Variants in STK17B observed in about 807,000 individuals in gnomAD.
STK17B encodes the protein serine/threonine-protein kinase 17B.
STK17B carries 21 observed loss-of-function variants against 42.0 expected under a neutral mutation model. That is an observed-to-expected ratio of 0.50 (90% CI 0.35 to 0.72). The LOEUF is 0.72. STK17B is among the 30% of genes least tolerant of loss of function. The probability of loss-of-function intolerance (pLI) is 0.00; values close to 1 mark genes in which losing one functional copy is unlikely to be tolerated. For synonymous variants in STK17B, 143 were observed against 148.4 expected (o/e 0.96, Z 0.26); for missense variants, 349 against 446.0 (o/e 0.78, Z 1.96).
intron 1 of STK17B, among the ~76,000 whole-genome samples, chr2:196,167,883 G>A (rs1235237246): frequency 6.6e-6 from 1 of 152,162 alleles, no homozygotes; most frequent in Non-Finnish European, 1.5e-5. Context: ...TTTCTACATA[G>A]GCATTTAAGG....
chr2:196,145,977 G>T lies in STK17B; in HGVS notation c.414C>A (p.Leu138=). 6.2e-7 allele frequency: 1 copy of T among 1,607,464 alleles called. No homozygotes were observed. Among genetic ancestry groups the T allele is most frequent in the Admixed American group, 1.7e-5 (1 of 57,932 alleles). The change falls in exon 4 of 8, where the codon CTC becomes CTA. Residue 138 remains leucine, a synonymous_variant. Coordinates refer to ENST00000263955, the MANE Select transcript of STK17B (RefSeq NM_004226.4). ...AAACTCCTTCAAGTATTTGTTTAAT[G>T]AGTCTGATAACATCATTTTCAGAAA... ...EMVSENDVIR[L]IKQILEGVYY... is the part of the protein sequence containing the mutation.
In STK17B at chr2:196,137,360, A is replaced by G; in HGVS notation, c.*87T>C. 1 of 1,369,998 alleles carries G rather than the reference A, an allele frequency of 7.3e-7. No homozygotes were observed. The highest frequency in any genetic ancestry group is 9.9e-7 in the Non-Finnish European group (1 of 1,008,780). The allele number at this position is 1,369,998 out of a possible 1,614,324, so 84.9% of individuals were successfully genotyped here. ...GGAAAAGTGCATTTACAATATAAAC[A>G]TGTCATATATGAAGCTACAAATCAT... On this transcript the variant is annotated 3_prime_UTR_variant, in exon 8 of 8. Coordinates refer to ENST00000263955, the MANE Select transcript of STK17B (RefSeq NM_004226.4).
rs1246047751 is a variant in STK17B, at chr2:196,156,604, T to C, written c.170A>G (p.Gln57Arg). Residue 57 changes from glutamine to arginine, a missense_variant, in exon 3 of 8, where the codon CAA becomes CGA. By Grantham distance (43) the Gln-to-Arg change is conservative. This residue lies in a region of STK17B where 256 missense variants were observed against 347.7 expected (regional missense o/e 0.74). Transcript: ENST00000263955. ...VRQCISKSTG[Q>R]EYAAKFLKKR... ...TTTTAGAAATTTTGCAGCATATTCTTGGCCAGTAGATTTTGATATACATTG... is the reference window on the plus strand; with the variant it reads ...TTTTAGAAATTTTGCAGCATATTCTCGGCCAGTAGATTTTGATATACATTG... The C allele has an allele frequency of 1.9e-6, 3 of 1,614,056 alleles. No individual in the cohort carries two copies. The South Asian group carries it at 3.3e-5, about 18-fold the overall frequency.
At chr2:196,155,547 A>C (rs998564637) in intron 3 of STK17B, among the ~76,000 whole-genome samples, 1 of 152,178 alleles carries the variant, frequency 6.6e-6, no homozygotes, top group Non-Finnish European at 1.5e-5. Flanking sequence ...AAAAAGAATT[A>C]CTATAGTTAG....
rs1310580981 is a variant in STK17B, at chr2:196,139,866, G to A, written c.657-67C>T. On this transcript the variant is annotated intron_variant, in intron 6 of 7. Coordinates refer to ENST00000263955, the MANE Select transcript of STK17B (RefSeq NM_004226.4). ...TTAAACATTTATACAAAGTACAATC[G>A]ACATTCAACATACTCCTCTCCTCAA... is the stretch of plus-strand genomic sequence containing the variant. 7 of 1,181,502 alleles carry A rather than the reference G, an allele frequency of 5.9e-6. No homozygotes were observed. In the African/African-American group the frequency reaches 6.3e-5, roughly 11 times the overall value. The allele number at this position is 1,181,502 out of a possible 1,614,324, so 73.2% of individuals were successfully genotyped here.
At chr2:196,144,018 AC>A (rs1326555277) in intron 4 of STK17B, among the ~76,000 whole-genome samples, 1 of 85,832 alleles carries the variant, frequency 1.2e-5, no homozygotes, top group Non-Finnish European at 2.5e-5. Flanking sequence ...GTAAGCTGAG[AC>A]TTAAAAGAGT....
upstream of STK17B, chr2:196,174,195 G>C (rs911298635): frequency 6.6e-6 from 1 of 152,288 alleles, no homozygotes; most frequent in South Asian, 2.1e-4. Context: ...GATCACTCCA[G>C]GTTAGTAATC....
chr2:196,143,117 T>C (rs2105680842), intron 5 of STK17B, among the ~76,000 whole-genome samples: 1 of 152,304 alleles, frequency 6.6e-6, no homozygotes, highest in Admixed American at 6.5e-5. Context: ...ACAATTCCTG[T>C]AAGTTTAAAC....
At chr2:196,154,831 A>G (rs1699717645) in intron 3 of STK17B, 1 of 152,220 alleles carries the variant, frequency 6.6e-6, no homozygotes, top group Non-Finnish European at 1.5e-5. Flanking sequence ...AGTTCTAGCA[A>G]TAAATTTTAG....
chr2:196,173,034 A>C (rs534375039), upstream of STK17B, among the ~76,000 whole-genome samples: 1 of 152,224 alleles, frequency 6.6e-6, no homozygotes, highest in Admixed American at 6.5e-5. Context: ...CCTTAATTTC[A>C]ACATTTCATC....
At chr2:196,169,187 T>C (rs899287229) in intron 1 of STK17B, among the ~76,000 whole-genome samples, 3 of 150,760 alleles carry the variant, frequency 2.0e-5, no homozygotes, top group African/African-American at 7.3e-5. Context: ...GCAACTCTTC[T>C]GCCTCAGCCT....
At chr2:196,154,260 C>CAACAAA (rs1699708888) in intron 3 of STK17B, 1 of 151,976 alleles carries the variant, frequency 6.6e-6, no homozygotes, top group Non-Finnish European at 1.5e-5. Flanking sequence ...ACAACAACAA[C>CAACAAA]AAAAGATAAT....
At chr2:196,138,128 A>C (rs1034978905) in intron 7 of STK17B, among the ~76,000 whole-genome samples, 1 of 152,242 alleles carries the variant, frequency 6.6e-6, no homozygotes, top group Non-Finnish European at 1.5e-5. Context: ...ACACCATATT[A>C]TCTCTCATGA....
At position 196,161,511 on chromosome 2, in the gene STK17B, C is replaced by CTTTTTTT. The variant is rs71009086; in HGVS notation, c.122+1744_122+1750dup. Among the ~76,000 whole-genome samples, 15 of 69,522 alleles carry CTTTTTTT rather than the reference C, an allele frequency of 2.2e-4. 1 individual carries two copies. Among genetic ancestry groups the CTTTTTTT allele is most frequent in the South Asian group, 6.0e-4 (1 of 1,658 alleles). The allele number at this position is 69,522 out of a possible 152,430, so 45.6% of individuals were successfully genotyped here. On this transcript the variant is annotated intron_variant, in intron 2 of 7. Transcript: ENST00000263955. ...GGTCAGTGAGGTAGATATTATAATT[C>CTTTTTTT]TTTTTTTTTTTTTTTTTTTTTTTTT... is the stretch of plus-strand genomic sequence containing the variant.
intron 3 of STK17B, chr2:196,156,233 C>T (rs564436658): frequency 2.3e-6 from 1 of 443,182 alleles, no homozygotes; most frequent in South Asian, 4.2e-5. Flanking sequence ...TTGTCATTTG[C>T]TTATTCTGTG....
chr2:196,175,475 A>T (rs1021169552), upstream of STK17B, among the ~76,000 whole-genome samples: 1 of 152,064 alleles, frequency 6.6e-6, no homozygotes, highest in Non-Finnish European at 1.5e-5. Flanking sequence ...AAAATACAAA[A>T]ATTAGCCAGG....
rs1699420547 is a variant in STK17B, at chr2:196,137,339, A to C, written c.*108T>G. On this transcript the variant is annotated 3_prime_UTR_variant, in exon 8 of 8. Transcript: ENST00000263955. Reference sequence around the variant, plus strand: ...CACTTCCCTAAATTATTCCATGGAAAAGTGCATTTACAATATAAACATGTC... The same window carrying C: ...CACTTCCCTAAATTATTCCATGGAACAGTGCATTTACAATATAAACATGTC... The C allele has an allele frequency of 8.4e-7, 1 of 1,197,556 alleles. No individual in the cohort carries two copies. Among genetic ancestry groups the C allele is most frequent in the African/African-American group, 1.5e-5 (1 of 64,708 alleles). 74.2% of individuals were successfully genotyped at this position (1,197,556 alleles called of 1,614,324 possible). A position where few individuals can be genotyped will look rare whatever the true frequency, so the allele number is the denominator to read the frequency against.
At chr2:196,162,470 C>A (rs1356475446) in intron 2 of STK17B, among the ~76,000 whole-genome samples, 2 of 148,702 alleles carry the variant, frequency 1.3e-5, no homozygotes, top group Non-Finnish European at 3.0e-5. Context: ...AAAAATATTT[C>A]ATTTAACAAA....
intron 1 of STK17B, among the ~76,000 whole-genome samples, chr2:196,169,129 T>C (rs988146387): frequency 7.0e-6 from 1 of 142,754 alleles, no homozygotes; most frequent in African/African-American, 2.7e-5. Context: ...CAGGCTGGAG[T>C]GCAGTGGCGT....
Sources: gnomAD v4.1 joint callset for allele counts (sites outside exome capture counted in the v4.1 genomes callset) on GRCh38, gnomAD v4.1.1 for gene constraint, gnomAD v4.1.1 regional missense constraint, MANE v1.5 for transcripts, NCBI Gene and HGNC (gene_info 2026-07-23, HGNC 2026-07-21) for gene names.